MOV10L1: variants seen among roughly 807,000 people sequenced by gnomAD.
The protein encoded by MOV10L1 is RNA helicase Mov10l1.
In MOV10L1, 110 loss-of-function variants were observed where a neutral mutation model predicts 143.8. The ratio of observed to expected loss-of-function variants is 0.76; its 90% CI spans 0.66 to 0.90. The LOEUF is 0.90. Among genes scored for constraint, MOV10L1 ranks in the 40% least tolerant of loss-of-function variants. The probability of loss-of-function intolerance (pLI) is 0.00; values close to 1 mark genes in which losing one functional copy is unlikely to be tolerated. For synonymous variants in MOV10L1, 593 were observed against 581.1 expected (o/e 1.02, Z -0.29); for missense variants, 1,406 against 1,526.8 (o/e 0.92, Z 1.32).
Position 50,128,458 on chromosome 22 carries a change from G to T in MOV10L1, c.1861G>T (p.Glu621Ter). 1 of 1,539,982 alleles carries T rather than the reference G, an allele frequency of 6.5e-7. No individual in the cohort carries two copies. Among genetic ancestry groups the T allele is most frequent in the South Asian group, 1.1e-5 (1 of 88,672 alleles). Residue 621 changes from glutamate to a stop codon, truncating the protein, a stop_gained, in exon 13 of 27, where the codon GAA (glutamate) becomes TAA (stop). Transcript: ENST00000262794. LOFTEE classifies it high-confidence loss of function. The stretch of plus-strand genomic sequence containing the variant: ...AACTCTTAAAATTAATCCAGAATTT[G>T]AACAAGCCTATAACTTTGAACCTAT... Reference protein sequence around the residue: ...DVTLKINPEFEQAYNFEPMDV... With the variant: ...DVTLKINPEF
chr22:50,141,495 A>ATTTTTTTTT (rs56881561), intron 15 of MOV10L1, among the ~76,000 whole-genome samples: 81 of 138,172 alleles, frequency 5.9e-4, no homozygotes, highest in African/African-American at 2.1e-3. Context: ...TGCCCGGCTA[A>ATTTTTTTTT]TTTTTTTTTT....
At chr22:50,141,377 T>C (rs59051343) in intron 15 of MOV10L1, among the ~76,000 whole-genome samples, 34,415 of 151,622 alleles carry the variant, frequency 0.23, 4,275 homozygotes, top group Admixed American at 0.35. Flanking sequence ...GTCACCCAGG[T>C]TGGAGTTGGT....
At chr22:50,126,030 G>A (rs1405697244) in intron 11 of MOV10L1, among the ~76,000 whole-genome samples, 172 bp from the exon 12 acceptor site, 1 of 151,794 alleles carries the variant, frequency 6.6e-6, no homozygotes, top group Non-Finnish European at 1.5e-5. Flanking sequence ...CTGACCTTGT[G>A]ATCCGCCCGC....
intron 26 of MOV10L1, 99 bp from the exon 27 acceptor site, chr22:50,161,269 C>T (rs2063553038): frequency 2.7e-6 from 3 of 1,110,522 alleles, no homozygotes; most frequent in Admixed American, 2.5e-5. Flanking sequence ...ACAGGGTAAA[C>T]TAAGTCCCCT....
chr22:50,114,730 T>A, intron 7 of MOV10L1, 108 bp downstream of exon 7: 2 of 1,481,440 alleles, frequency 1.4e-6, no homozygotes, highest in South Asian at 1.3e-5. Context: ...ACCCGGCAGC[T>A]ACAGTGCTTT....
At position 50,152,024 on chromosome 22, in the gene MOV10L1, TG is replaced by T. The variant is rs1392349280; in HGVS notation, c.2893-1019del. On this transcript the variant is annotated intron_variant, in intron 21 of 26. Transcript: ENST00000262794. This position sits in a 1 kb window ranked among gnomAD's most constrained non-coding sequence, Gnocchi z 4.4. The stretch of plus-strand genomic sequence containing the variant: ...AGGTGCCGTGACTCTAGATCACATT[TG>T]GAGTTTGGAGTAGCACGTTGGAGGC... Among the ~76,000 whole-genome samples, 1 of 152,226 alleles carries T rather than the reference TG, an allele frequency of 6.6e-6. No individual in the cohort carries two copies. The highest frequency in any genetic ancestry group is 1.5e-5 in the Non-Finnish European group (1 of 68,042).
chr22:50,149,398 G>T (rs952778935), intron 19 of MOV10L1: 2 of 559,214 alleles, frequency 3.6e-6, no homozygotes, highest in African/African-American at 3.8e-5. Flanking sequence ...CAGACGCTGC[G>T]TGCAAAGCAC....
In MOV10L1 at chr22:50,120,555, G is replaced by C; in HGVS notation, c.1508G>C (p.Arg503Thr). 2 of 1,613,828 alleles carry C rather than the reference G, an allele frequency of 1.2e-6. No individual in the cohort carries two copies. The highest frequency in any genetic ancestry group is 1.7e-6 in the Non-Finnish European group (2 of 1,179,840). ...CTTCCCCAATATCCAATCCCAGATA[G>C]ACTTAGAAAATGTGTGGAACAAAAA... ...SFLPQYPIPD[R>T]LRKCVEQKID... Residue 503 changes from arginine (R) to threonine (T), a missense_variant, in exon 10 of 27, where the codon AGA becomes ACA. By Grantham distance (71) the Arg-to-Thr change is moderately conservative. Coordinates refer to ENST00000262794, the MANE Select transcript of MOV10L1 (RefSeq NM_018995.3).
chr22:50,107,078 C>G (rs941180327), intron 3 of MOV10L1, among the ~76,000 whole-genome samples: 2 of 149,522 alleles, frequency 1.3e-5, no homozygotes, highest in African/African-American at 5.0e-5. Flanking sequence ...TGTTTTCTTT[C>G]TTTTCTTTTT....
rs766986744 is a variant in MOV10L1, at chr22:50,150,765, G to A, written c.2758G>A (p.Gly920Ser). ...IVLAGDPMQL[G>S]PVIKSRLAMA... ...GCTGGCAGGAGACCCCATGCAGCTC[G>A]GCCCAGTCATTAAGTCCAGACTCGC... The change falls in exon 21 of 27, where the codon GGC (glycine) becomes AGC (serine). Residue 920 changes from glycine to serine, a missense_variant. Transcript: ENST00000262794. The A allele has an allele frequency of 1.4e-5, 22 of 1,613,946 alleles. No individual in the cohort carries two copies. The highest frequency in any genetic ancestry group is 8.3e-5 in the Admixed American group (5 of 59,984).
chr22:50,104,887 C>G (rs8140123), intron 3 of MOV10L1, among the ~76,000 whole-genome samples: 33,562 of 145,766 alleles, frequency 0.23, 4,132 homozygotes, highest in Admixed American at 0.36. Context: ...TTTGATTGAG[C>G]CTTCTTTTTT....
At chr22:50,097,728 C>A (rs1054645806) in intron 2 of MOV10L1, among the ~76,000 whole-genome samples, 1 of 152,112 alleles carries the variant, frequency 6.6e-6, no homozygotes, top group Admixed American at 6.5e-5. Context: ...ACCATTTTGC[C>A]TATTCATGGT....
intron 19 of MOV10L1, among the ~76,000 whole-genome samples, chr22:50,146,644 C>T (rs185084022): frequency 1.8e-4 from 27 of 152,002 alleles, no homozygotes; most frequent in Admixed American, 4.6e-4. Context: ...TCACAGTGGT[C>T]GTGACCCTCC....
chr22:50,092,548 G>T (rs1293391192), intron 2 of MOV10L1, among the ~76,000 whole-genome samples: 1 of 152,132 alleles, frequency 6.6e-6, no homozygotes, highest in Non-Finnish European at 1.5e-5. Flanking sequence ...TGAGGCGGGA[G>T]GATCGCTTGA....
chr22:50,099,405 C>A, intron 2 of MOV10L1, 38 bp from the exon 3 acceptor site: 2 of 1,591,852 alleles, frequency 1.3e-6, no homozygotes, highest in Non-Finnish European at 1.7e-6. Context: ...TCTTGTAGTT[C>A]TCGTATTATG....
intron 2 of MOV10L1, 29 bp from the exon 3 acceptor site, chr22:50,099,414 T>C (rs780086281): frequency 1.9e-6 from 3 of 1,599,226 alleles, no homozygotes; most frequent in Non-Finnish European, 2.6e-6. Context: ...TCTCGTATTA[T>C]GGTTTAGAGC....
At chr22:50,130,666 C>T (rs980680868) in intron 13 of MOV10L1, among the ~76,000 whole-genome samples, 1 of 142,876 alleles carries the variant, frequency 7.0e-6, no homozygotes, top group Non-Finnish European at 1.6e-5. Flanking sequence ...GAAGGGGCAG[C>T]TGTGTTGGAT....
At position 50,160,742 on chromosome 22, in the gene MOV10L1, T is replaced by A. The variant is rs747063689; in HGVS notation, c.3379T>A (p.Ser1127Thr). The A allele has an allele frequency of 1.2e-6, 2 of 1,614,200 alleles. No homozygotes were observed. The highest frequency in any genetic ancestry group is 2.2e-5 in the South Asian group (2 of 91,080). ...EDDRYFLGFL[S>T]NSKRFNVAIT... is the part of the protein sequence containing the mutation. ...TGATCGATATTTTTTGGGTTTCTTG[T>A]CCAACTCAAAAAGATTTAATGTTGC... Residue 1127 changes from serine to threonine, a missense_variant, in exon 25 of 27, where the codon TCC becomes ACC. By Grantham distance (58) the Ser-to-Thr change is moderately conservative. Coordinates refer to ENST00000262794, the MANE Select transcript of MOV10L1 (RefSeq NM_018995.3).
chr22:50,159,927 G>A lies in MOV10L1; in HGVS notation c.3324+142G>A. 2 of 600,004 alleles carry A rather than the reference G, an allele frequency of 3.3e-6. No homozygotes were observed. Among genetic ancestry groups the A allele is most frequent in the Non-Finnish European group, 5.9e-6 (2 of 338,658 alleles). 37.2% of individuals were successfully genotyped at this position (600,004 alleles called of 1,614,324 possible). On this transcript the variant is annotated intron_variant, in intron 24 of 26. Coordinates refer to ENST00000262794, the MANE Select transcript of MOV10L1 (RefSeq NM_018995.3). This position sits in a 1 kb window ranked among gnomAD's most constrained non-coding sequence, Gnocchi z 4.1. The stretch of plus-strand genomic sequence containing the variant: ...AGGCGGAGACTCCCTAGGTCCAGGA[G>A]CCATTGTAAGCAGTGGCTGTGGGAA...
Sources: gnomAD v4.1 joint callset for allele counts (sites outside exome capture counted in the v4.1 genomes callset) on GRCh38, gnomAD v4.1.1 for gene constraint, Gnocchi (gnomAD v3.1) non-coding constraint, MANE v1.5 for transcripts, NCBI Gene and HGNC (gene_info 2026-07-23, HGNC 2026-07-21) for gene names.